The following CACNB4 variants were observed in gnomAD, a reference collection of about 807,000 sequenced individuals.
The protein encoded by CACNB4 is calcium voltage-gated channel auxiliary subunit beta 4, also known as voltage-dependent L-type calcium channel subunit beta-4.
A neutral mutation model predicts 71.2 loss-of-function variants in CACNB4; 32 were observed. The ratio of observed to expected loss-of-function variants is 0.45; its 90% CI spans 0.34 to 0.60. The LOEUF (loss-of-function observed/expected upper bound fraction) is 0.60, where lower values mean the gene tolerates loss of function less well. Among genes scored for constraint, CACNB4 ranks in the 20% least tolerant of loss-of-function variants. The pLI is 0.01. For synonymous variants in CACNB4, 231 were observed against 236.9 expected (o/e 0.97, Z 0.23); for missense variants, 464 against 647.9 (o/e 0.72, Z 3.08).
At position 152,077,195 on chromosome 2, in the gene CACNB4, T is replaced by C. The variant is rs559357268; in HGVS notation, c.147+21135A>G. Reference sequence around the variant, plus strand: ...CAGCACTTTGGGAGGCCGAGGTGGGTGGATCACCTGAGATTAGGAGTTCAA... The same window carrying C: ...CAGCACTTTGGGAGGCCGAGGTGGGCGGATCACCTGAGATTAGGAGTTCAA... On this transcript the variant is annotated intron_variant, in intron 2 of 13. Transcript: ENST00000539935. 8.7e-4 allele frequency among the ~76,000 whole-genome samples: 133 copies of C among 152,046 alleles called. 1 individual carries two copies. Among genetic ancestry groups the C allele is most frequent in the African/African-American group, 2.9e-3 (122 of 41,456 alleles).
intron 9 of CACNB4, chr2:151,865,870 C>T (rs1013310972): frequency 2.6e-5 from 4 of 151,374 alleles, no homozygotes; most frequent in Non-Finnish European, 5.9e-5. Context: ...ACCGCAACCT[C>T]TGCCTCCCAG....
chr2:151,933,918 A>G (rs1239635956), intron 2 of CACNB4, among the ~76,000 whole-genome samples: 1 of 152,250 alleles, frequency 6.6e-6, no homozygotes, highest in Non-Finnish European at 1.5e-5. Context: ...CTGCTGTGGA[A>G]TATGAAATCT....
chr2:151,977,418 C>T (rs919592598), intron 2 of CACNB4, among the ~76,000 whole-genome samples: 1 of 152,162 alleles, frequency 6.6e-6, no homozygotes, highest in African/African-American at 2.4e-5. Context: ...ATTAGGACAG[C>T]TCTATTTTGT....
chr2:151,920,622 C>G (rs1453217609), intron 2 of CACNB4, among the ~76,000 whole-genome samples: 1 of 152,120 alleles, frequency 6.6e-6, no homozygotes, highest in Non-Finnish European at 1.5e-5. Context: ...AGCACTATGC[C>G]AGGCCCAGTC....
chr2:152,078,354 C>T (rs918959580), intron 2 of CACNB4, among the ~76,000 whole-genome samples: 4 of 152,170 alleles, frequency 2.6e-5, no homozygotes, highest in Non-Finnish European at 5.9e-5. Flanking sequence ...AATATGTCGA[C>T]TACCAAAGAC....
At chr2:152,088,998 C>G (rs1405544747) in intron 2 of CACNB4, among the ~76,000 whole-genome samples, 1 of 152,226 alleles carries the variant, frequency 6.6e-6, no homozygotes, top group African/African-American at 2.4e-5. Context: ...ACAGTATACC[C>G]TTAAAATTGA....
chr2:151,881,523 A>C (rs1358925576), intron 3 of CACNB4, among the ~76,000 whole-genome samples: 2 of 152,220 alleles, frequency 1.3e-5, no homozygotes, highest in African/African-American at 4.8e-5. Context: ...CTCTCAGCAA[A>C]GTGCTCTCAG....
At chr2:151,849,627 T>A (rs1019328659) in intron 12 of CACNB4, among the ~76,000 whole-genome samples, 7 of 152,112 alleles carry the variant, frequency 4.6e-5, no homozygotes, top group African/African-American at 1.7e-4. Context: ...TGGTCTGGTA[T>A]CTATGCCCAG....
rs2151305014 is a variant in CACNB4, at chr2:151,834,611, A to G, written c.*4508T>C. ...GAATGCTGTAGTTCTGGGTGCCCAT[A>G]TAAGCCAATTTTTCTATTTTGACTA... On this transcript the variant is annotated 3_prime_UTR_variant, in exon 14 of 14. Transcript: ENST00000539935. 1 of 152,148 alleles carries G rather than the reference A, an allele frequency of 6.6e-6. No individual in the cohort carries two copies. Among genetic ancestry groups the G allele is most frequent in the South Asian group, 2.1e-4 (1 of 4,830 alleles). The allele number at this position is 152,148 out of a possible 1,614,324, so 9.4% of individuals were successfully genotyped here. A position where few individuals can be genotyped will look rare whatever the true frequency, so the allele number is the denominator to read the frequency against.
rs185544133 is a variant in CACNB4, at chr2:151,901,141, G to A, written c.148-17771C>T. 5.3e-5 allele frequency among the ~76,000 whole-genome samples: 8 copies of A among 151,882 alleles called. 1 individual carries two copies. Among genetic ancestry groups the A allele is most frequent in the Admixed American group, 4.6e-4 (7 of 15,246 alleles). On this transcript the variant is annotated intron_variant, in intron 2 of 13. Coordinates refer to ENST00000539935, the MANE Select transcript of CACNB4 (RefSeq NM_000726.5). Reference sequence around the variant, plus strand: ...CCCAAGTAGATGGAACTACAGGTGTGTGCCACCACACCTGGCTAATTTTTG... The same window carrying A: ...CCCAAGTAGATGGAACTACAGGTGTATGCCACCACACCTGGCTAATTTTTG...
intron 2 of CACNB4, among the ~76,000 whole-genome samples, chr2:151,925,700 T>C (rs944663752): frequency 1.8e-4 from 1 of 5,550 alleles, no homozygotes; most frequent in Non-Finnish European, 3.4e-4. Flanking sequence ...AGGGAGGGGG[T>C]GGGGAGGGTG....
chr2:151,995,709 A>AAAAAT (rs1015153491), intron 2 of CACNB4, among the ~76,000 whole-genome samples: 3 of 152,254 alleles, frequency 2.0e-5, no homozygotes, highest in Admixed American at 6.5e-5. Flanking sequence ...ACTCCGTCTC[A>AAAAAT]AAAATAAAAT....
intron 2 of CACNB4, among the ~76,000 whole-genome samples, chr2:151,927,944 C>T (rs768768468): frequency 2.0e-5 from 3 of 152,168 alleles, no homozygotes; most frequent in Non-Finnish European, 2.9e-5. Context: ...AAAATCTTTG[C>T]GCAGGCAGCA....
At chr2:151,970,625 T>C (rs1487935256) in intron 2 of CACNB4, 1 of 152,160 alleles carries the variant, frequency 6.6e-6, no homozygotes, top group Non-Finnish European at 1.5e-5. Flanking sequence ...GAACTTGTAT[T>C]AACACACAGT....
At chr2:151,962,407 C>T (rs2099869892) in intron 2 of CACNB4, among the ~76,000 whole-genome samples, 1 of 152,178 alleles carries the variant, frequency 6.6e-6, no homozygotes, top group African/African-American at 2.4e-5. Flanking sequence ...TCTCTCCACC[C>T]CCACCCCCAG....
At chr2:151,980,270 T>A (rs1196663600) in intron 2 of CACNB4, among the ~76,000 whole-genome samples, 1 of 152,174 alleles carries the variant, frequency 6.6e-6, no homozygotes, top group Non-Finnish European at 1.5e-5. Context: ...ACCCAAATCC[T>A]TAACAAGGTC....
chr2:152,054,487 A>G (rs1685624553), intron 2 of CACNB4, among the ~76,000 whole-genome samples: 2 of 151,716 alleles, frequency 1.3e-5, no homozygotes, highest in African/African-American at 4.8e-5. Flanking sequence ...ACTGATGACC[A>G]TTTGGGTTGT....
intron 2 of CACNB4, among the ~76,000 whole-genome samples, chr2:152,014,499 G>A (rs1560133068): frequency 6.6e-6 from 1 of 151,846 alleles, no homozygotes; most frequent in Non-Finnish European, 1.5e-5. Flanking sequence ...GGGAGGCTGA[G>A]GTGGGCACAT....
intron 2 of CACNB4, among the ~76,000 whole-genome samples, chr2:152,085,366 A>G (rs2105439882): frequency 6.6e-6 from 1 of 152,332 alleles, no homozygotes; most frequent in Middle Eastern, 3.4e-3. Flanking sequence ...ATAATGTATG[A>G]ATGAATAGAG....
Sources: gnomAD v4.1 joint callset for allele counts (sites outside exome capture counted in the v4.1 genomes callset) on GRCh38, gnomAD v4.1.1 for gene constraint, MANE v1.5 for transcripts, NCBI Gene and HGNC (gene_info 2026-07-23, HGNC 2026-07-21) for gene names.